Variants in NUP133 observed in about 807,000 individuals in gnomAD.
The protein encoded by NUP133 is nucleoporin 133.
A neutral mutation model predicts 146.2 loss-of-function variants in NUP133; 66 were observed. The ratio of observed to expected loss-of-function variants is 0.45; its 90% CI spans 0.37 to 0.55. NUP133 has a LOEUF of 0.55. NUP133 is among the 20% of genes least tolerant of loss of function. The pLI is 0.00. For missense variants in NUP133, 1,277 were observed against 1,374.8 expected (o/e 0.93, Z 1.12); for synonymous variants, 521 against 498.8 (o/e 1.04, Z -0.59).
intron 14 of NUP133, among the ~76,000 whole-genome samples, chr1:229,474,397 C>G (rs1438471914): frequency 6.6e-6 from 1 of 150,894 alleles, no homozygotes; most frequent in Non-Finnish European, 1.5e-5. Context: ...TAATCCATAT[C>G]CCACCTAAAA....
At chr1:229,448,938 G>A in intron 24 of NUP133, 188 bp downstream of exon 24, 1 of 604,762 alleles carries the variant, frequency 1.7e-6, no homozygotes, top group South Asian at 2.0e-5. Flanking sequence ...GATTGTATCA[G>A]GACTGAACTA....
chr1:229,508,241 T>C lies in NUP133; in HGVS notation c.9A>G (p.Pro3=). ...CCGGGGTCCGCGGAGAAGGGGCGGC[T>C]GGGAACATGACTCCAAGGAGCAGCG... MF[P]AAPSPRTPGT... The change falls in exon 1 of 26, where the codon CCA becomes CCG. Residue 3 remains proline (P), a synonymous_variant. Transcript: ENST00000261396. 6.5e-7 allele frequency: 1 copy of C among 1,531,694 alleles called. No individual in the cohort carries two copies. The highest frequency in any genetic ancestry group is 8.8e-7 in the Non-Finnish European group (1 of 1,141,110). The allele number at this position is 1,531,694 out of a possible 1,614,324, so 94.9% of individuals were successfully genotyped here. A position where few individuals can be genotyped will look rare whatever the true frequency, so the allele number is the denominator to read the frequency against.
chr1:229,477,622 T>C lies in NUP133; in HGVS notation c.1731A>G (p.Pro577=). 1.9e-6 allele frequency: 3 copies of C among 1,613,574 alleles called. No homozygotes were observed. The highest frequency in any genetic ancestry group is 1.7e-4 in the Middle Eastern group (1 of 6,058). ...DLMDDYPASD[P]RWAESVPEEA... ...CCTCAGGGACAGACTCAGCCCACCG[T>C]GGGTCAGATGCTGGGTAGTCATCCA... is the stretch of plus-strand genomic sequence containing the variant. Residue 577 remains proline, a synonymous_variant, in exon 13 of 26, where the codon CCA becomes CCG. Coordinates refer to ENST00000261396, the MANE Select transcript of NUP133 (RefSeq NM_018230.3).
chr1:229,481,837 G>C (rs1415352266), intron 12 of NUP133, among the ~76,000 whole-genome samples: 1 of 152,184 alleles, frequency 6.6e-6, no homozygotes, highest in Non-Finnish European at 1.5e-5. Flanking sequence ...TCCTTTCTCA[G>C]AGCTTTCAGA....
intron 14 of NUP133, among the ~76,000 whole-genome samples, chr1:229,474,001 G>C (rs1287620986): frequency 6.6e-6 from 1 of 152,160 alleles, no homozygotes; most frequent in Non-Finnish European, 1.5e-5. Flanking sequence ...TTTGACCAAT[G>C]TCACTTTACT....
At chr1:229,450,399 AG>A in intron 23 of NUP133, 125 bp downstream of exon 23, 3 of 497,522 alleles carry the variant, frequency 6.0e-6, no homozygotes, top group Non-Finnish European at 1.1e-5. Context: ...TAAGGATTAA[AG>A]GTAGTTGAAC....
At chr1:229,447,179 T>C (rs1043109356) in intron 24 of NUP133, among the ~76,000 whole-genome samples, 2 of 152,188 alleles carry the variant, frequency 1.3e-5, no homozygotes, top group Non-Finnish European at 2.9e-5. Flanking sequence ...ACAACCTAAA[T>C]TTTAAAATCA....
intron 5 of NUP133, chr1:229,499,062 A>G: frequency 2.4e-6 from 1 of 415,914 alleles, no homozygotes; most frequent in Non-Finnish European, 4.9e-6. Flanking sequence ...CTATGCCCAG[A>G]TAATTTTTAA....
chr1:229,472,400 G>A (rs1294911890), intron 14 of NUP133, among the ~76,000 whole-genome samples: 1 of 150,868 alleles, frequency 6.6e-6, no homozygotes, highest in Non-Finnish European at 1.5e-5. Flanking sequence ...TTTGATTGCA[G>A]CACTGACAGT....
intron 20 of NUP133, among the ~76,000 whole-genome samples, chr1:229,458,711 ATTT>A (rs11444377): frequency 6.0e-5 from 8 of 133,060 alleles, no homozygotes; most frequent in Admixed American, 7.8e-5. Context: ...GATGGACTAC[ATTT>A]TTTTTTTTTT....
intron 2 of NUP133, among the ~76,000 whole-genome samples, chr1:229,504,730 T>C (rs970405556): frequency 1.3e-5 from 2 of 152,232 alleles, no homozygotes; most frequent in African/African-American, 4.8e-5. Context: ...ATTTTGCATA[T>C]ACAGTATTTC....
At chr1:229,467,807 C>T (rs1293196689) in intron 15 of NUP133, among the ~76,000 whole-genome samples, 1 of 151,722 alleles carries the variant, frequency 6.6e-6, no homozygotes, top group Non-Finnish European at 1.5e-5. Context: ...CACCTGGAGT[C>T]CCGGCTACTT....
intron 3 of NUP133, among the ~76,000 whole-genome samples, chr1:229,501,441 C>T (rs1001533627): frequency 6.6e-6 from 1 of 152,126 alleles, no homozygotes; most frequent in Non-Finnish European, 1.5e-5. Context: ...TGAGTTCCAA[C>T]GGAACATGGC....
At chr1:229,457,120 C>G (rs1289323956) in intron 21 of NUP133, among the ~76,000 whole-genome samples, 2 of 152,126 alleles carry the variant, frequency 1.3e-5, no homozygotes, top group Non-Finnish European at 2.9e-5. Flanking sequence ...AGCCACCAAA[C>G]CCAGCTGATG....
In NUP133 at chr1:229,470,052, G is replaced by A. The variant is rs144649453; in HGVS notation, c.2076+528C>T. Among the ~76,000 whole-genome samples, 16 of 152,192 alleles carry A rather than the reference G, an allele frequency of 1.1e-4. No homozygotes were observed. The East Asian group carries it at 2.1e-3, about 20-fold the overall frequency. Reference sequence around the variant, plus strand: ...CTGCCCCCAGAAAAAAGAGTAGATCGAGAGAGACAAAGGAGAAGATCAGGA... The same window carrying A: ...CTGCCCCCAGAAAAAAGAGTAGATCAAGAGAGACAAAGGAGAAGATCAGGA... On this transcript the variant is annotated intron_variant, in intron 15 of 25. Coordinates refer to ENST00000261396, the MANE Select transcript of NUP133 (RefSeq NM_018230.3).
At chr1:229,469,731 A>G (rs1026061497) in intron 15 of NUP133, among the ~76,000 whole-genome samples, 1 of 152,236 alleles carries the variant, frequency 6.6e-6, no homozygotes, top group African/African-American at 2.4e-5. Flanking sequence ...TTCTGGCCTT[A>G]TGGCAGGGCC....
chr1:229,455,429 C>A (rs1350720251), intron 21 of NUP133, among the ~76,000 whole-genome samples: 7 of 152,216 alleles, frequency 4.6e-5, no homozygotes, highest in African/African-American at 1.7e-4. Flanking sequence ...GGCATGGGAG[C>A]ATGCACCTGT....
intron 25 of NUP133, among the ~76,000 whole-genome samples, chr1:229,442,865 C>T (rs1281455998): frequency 1.3e-5 from 2 of 151,844 alleles, no homozygotes; most frequent in East Asian, 3.9e-4. Flanking sequence ...ACCACTACAC[C>T]CGGCTAATTT....
At chr1:229,504,966 C>A (rs1323778080) in intron 2 of NUP133, among the ~76,000 whole-genome samples, 1 of 152,114 alleles carries the variant, frequency 6.6e-6, no homozygotes, top group Non-Finnish European at 1.5e-5. Context: ...ACACGTGTGG[C>A]CCAGGACAGC....
Sources: gnomAD v4.1 joint callset for allele counts (sites outside exome capture counted in the v4.1 genomes callset) on GRCh38, gnomAD v4.1.1 for gene constraint, MANE v1.5 for transcripts, NCBI Gene and HGNC (gene_info 2026-07-23, HGNC 2026-07-21) for gene names.